The following DIP2C variants were observed in gnomAD, a reference collection of about 807,000 sequenced individuals.
DIP2C encodes disco-interacting protein 2 homolog C.
DIP2C carries 33 observed loss-of-function variants against 192.4 expected under a neutral mutation model. That is an observed-to-expected ratio of 0.17 (90% CI 0.13 to 0.23). The LOEUF is 0.23. DIP2C is among the 10% of genes least tolerant of loss of function. The pLI is 1.00. For synonymous variants in DIP2C, 979 were observed against 864.1 expected, an observed-to-expected ratio of 1.13 and a Z score of -2.33; for missense variants, 1,537 against 2,110.1, an observed-to-expected ratio of 0.73 and a Z score of 5.32.
intron 2 of DIP2C, among the ~76,000 whole-genome samples, chr10:481,967 G>C (rs796618233): frequency 9.2e-5 from 14 of 152,318 alleles, no homozygotes; most frequent in African/African-American, 3.4e-4. Context: ...GCTGCTGGGG[G>C]TTGGGGTGGA....
chr10:336,603 T>C (rs1301422959), intron 29 of DIP2C, among the ~76,000 whole-genome samples: 3 of 152,250 alleles, frequency 2.0e-5, no homozygotes, highest in African/African-American at 7.2e-5. Flanking sequence ...GGTTTATGAA[T>C]TTACTGTACT....
chr10:553,917 C>T (rs1564843331), intron 1 of DIP2C, among the ~76,000 whole-genome samples: 1 of 150,150 alleles, frequency 6.7e-6, no homozygotes, highest in African/African-American at 2.5e-5. Context: ...ACGCTTGTAA[C>T]TGTAACAGTG....
chr10:289,499 C>A (rs1955365810), intron 32 of DIP2C, among the ~76,000 whole-genome samples: 1 of 152,156 alleles, frequency 6.6e-6, no homozygotes. Context: ...AGCTCCTGGT[C>A]TCAGATGATC....
At chr10:558,383 G>T (rs138412261) in intron 1 of DIP2C, among the ~76,000 whole-genome samples, 2 of 152,214 alleles carry the variant, frequency 1.3e-5, no homozygotes, top group Non-Finnish European at 2.9e-5. Context: ...TGCATCTCAC[G>T]GATTGAGATT....
intron 28 of DIP2C, among the ~76,000 whole-genome samples, chr10:343,060 C>T (rs1354593125): frequency 2.0e-5 from 3 of 152,112 alleles, no homozygotes; most frequent in Non-Finnish European, 2.9e-5. Flanking sequence ...GAGGCCGAGG[C>T]GGGCAGATCA....
chr10:300,043 C>T (rs1431883963), intron 32 of DIP2C, among the ~76,000 whole-genome samples: 9 of 152,116 alleles, frequency 5.9e-5, no homozygotes, highest in Admixed American at 3.9e-4. Context: ...AGAAACCAGA[C>T]CCACGTGCAC....
At chr10:421,004 C>G (rs1377791208) in intron 5 of DIP2C, among the ~76,000 whole-genome samples, 1 of 152,230 alleles carries the variant, frequency 6.6e-6, no homozygotes. Flanking sequence ...CTCACAAGGT[C>G]AAGTGCAAAT....
rs1009214721 is a variant in DIP2C at position 596,739 on chromosome 10, A to C, written c.85+92755T>G. Among the ~76,000 whole-genome samples, 10 of 152,116 alleles carry C rather than the reference A, an allele frequency of 6.6e-5. No homozygotes were observed. In the East Asian group the frequency reaches 1.4e-3, roughly 21 times the overall value. On this transcript the variant is annotated intron_variant, in intron 1 of 36. Transcript: ENST00000280886. ...GCGGGAAGTGGAACTGGCTTCACAG[A>C]GCACCCGGCTCAAGCGTCTGAGAAA...
At chr10:320,783 T>C (rs1180022384) in intron 31 of DIP2C, among the ~76,000 whole-genome samples, 2 of 152,134 alleles carry the variant, frequency 1.3e-5, no homozygotes, top group African/African-American at 2.4e-5. Flanking sequence ...AAGAAAAAAC[T>C]GTGTTCTGTA....
At chr10:541,029 GGGA>G in intron 1 of DIP2C, among the ~76,000 whole-genome samples, 1 of 133,892 alleles carries the variant, frequency 7.5e-6, no homozygotes, top group Non-Finnish European at 1.6e-5. Context: ...CCCGATGCTG[GGGA>G]GCCACAACAC....
intron 1 of DIP2C, among the ~76,000 whole-genome samples, chr10:670,806 T>C (rs149568667): frequency 3.1e-4 from 47 of 152,354 alleles, no homozygotes; most frequent in African/African-American, 1.1e-3. Context: ...TTTTTGAGAC[T>C]ATGTCTTCCT....
intron 4 of DIP2C, among the ~76,000 whole-genome samples, chr10:433,541 C>A (rs964867960): frequency 6.6e-6 from 1 of 152,040 alleles, no homozygotes; most frequent in African/African-American, 2.4e-5. Flanking sequence ...AATAGCCAGG[C>A]ATGATGACAA....
chr10:327,241 T>G, intron 30 of DIP2C, 65 bp from the exon 31 acceptor site: 2 of 1,538,586 alleles, frequency 1.3e-6, no homozygotes, highest in Non-Finnish European at 1.7e-6. Flanking sequence ...AGCCAGAGAC[T>G]CCTTCCCACA....
At chr10:674,369 A>G (rs1830781847) in intron 1 of DIP2C, among the ~76,000 whole-genome samples, 1 of 151,936 alleles carries the variant, frequency 6.6e-6, no homozygotes, top group Non-Finnish European at 1.5e-5. Flanking sequence ...ACAAAAAGGT[A>G]ATTATATAAT....
At chr10:518,385 T>C (rs1846497398) in intron 1 of DIP2C, among the ~76,000 whole-genome samples, 1 of 152,262 alleles carries the variant, frequency 6.6e-6, no homozygotes, top group Admixed American at 6.5e-5. Flanking sequence ...GGCCCTGATG[T>C]GTACGCACTT....
At chr10:436,795 T>G (rs1304131665) in intron 4 of DIP2C, among the ~76,000 whole-genome samples, 8 of 130,168 alleles carry the variant, frequency 6.1e-5, no homozygotes, top group African/African-American at 2.7e-4. Context: ...CTCTCTGAGC[T>G]CCGCCTCCTG....
intron 1 of DIP2C, among the ~76,000 whole-genome samples, chr10:548,208 A>ACC (rs33930610): frequency 0.064 from 3,720 of 58,020 alleles, 225 homozygotes; most frequent in South Asian, 0.11. Flanking sequence ...AGTCTGCCCC[A>ACC]CCCCCCCCCC....
At chr10:405,940 C>CG (rs1964774726) in intron 9 of DIP2C, among the ~76,000 whole-genome samples, 2 of 152,202 alleles carry the variant, frequency 1.3e-5, no homozygotes, top group South Asian at 2.1e-4. Context: ...GAGCCCTTCT[C>CG]AGATAATCTT....
At chr10:350,304 C>G (rs987826020) in intron 24 of DIP2C, among the ~76,000 whole-genome samples, 5 of 152,032 alleles carry the variant, frequency 3.3e-5, no homozygotes, top group Middle Eastern at 3.2e-3. Context: ...CCAAGCTGGT[C>G]TCAAACTCGT....
Sources: gnomAD v4.1 joint callset for allele counts (sites outside exome capture counted in the v4.1 genomes callset) on GRCh38, gnomAD v4.1.1 for gene constraint, MANE v1.5 for transcripts, NCBI Gene and HGNC (gene_info 2026-07-23, HGNC 2026-07-21) for gene names.